Variants in CALCR observed in about 807,000 individuals in gnomAD.
CALCR encodes calcitonin receptor.
A neutral mutation model predicts 59.5 loss-of-function variants in CALCR; 47 were observed. The ratio of observed to expected loss-of-function variants is 0.79; its 90% CI spans 0.63 to 1.01. The LOEUF is 1.01. Ranked by LOEUF, CALCR falls within the 50% of genes least tolerant of loss-of-function variation. The pLI, the probability that CALCR is intolerant of heterozygous loss-of-function variation, is 0.00. For missense variants in CALCR, 566 were observed against 597.1 expected (o/e 0.95, Z 0.54); for synonymous variants, 213 against 211.3 (o/e 1.01, Z -0.07).
chr7:93,568,947 G>A (rs942673285), intron 2 of CALCR, among the ~76,000 whole-genome samples: 1 of 151,988 alleles, frequency 6.6e-6, no homozygotes, highest in South Asian at 2.1e-4. Flanking sequence ...CCGACTTGGT[G>A]AATGACATCA....
intron 2 of CALCR, among the ~76,000 whole-genome samples, chr7:93,511,013 G>A (rs1801534632): frequency 6.6e-6 from 1 of 152,010 alleles, no homozygotes; most frequent in South Asian, 2.1e-4. Context: ...CATAGAGAAG[G>A]TGACCTTGAA....
chr7:93,530,234 A>AT lies in CALCR; in HGVS notation c.-26-43228dup, dbSNP rs910083445. 2.0e-5 allele frequency among the ~76,000 whole-genome samples: 3 copies of AT among 152,228 alleles called. 1 individual carries two copies. The highest frequency in any genetic ancestry group is 4.1e-4 in the South Asian group (2 of 4,824). On this transcript the variant is annotated intron_variant, in intron 2 of 13. Coordinates refer to ENST00000426151, the MANE Select transcript of CALCR (RefSeq NM_001742.4). ...CAGAAAGTCAGTGTCAGAAGTTGTG[A>AT]TTTTTTTGATTTATAAATCACAATT... is the stretch of plus-strand genomic sequence containing the variant.
intron 2 of CALCR, among the ~76,000 whole-genome samples, chr7:93,539,525 A>G (rs1356831313): frequency 6.6e-6 from 1 of 152,118 alleles, no homozygotes. Context: ...GACTCTCCTT[A>G]TGAGTCTCTG....
At chr7:93,482,720 A>G (rs1313101677) in intron 3 of CALCR, 1 of 514,644 alleles carries the variant, frequency 1.9e-6, no homozygotes. Context: ...AAATACGACA[A>G]TCTGTATACG....
chr7:93,462,086 C>G, intron 7 of CALCR: 1 of 1,502,532 alleles, frequency 6.7e-7, no homozygotes, highest in East Asian at 2.4e-5. Flanking sequence ...ATTTCCAATT[C>G]AAAGGAAAAA....
At chr7:93,444,012 G>A (rs996367286) in intron 8 of CALCR, among the ~76,000 whole-genome samples, 3 of 152,092 alleles carry the variant, frequency 2.0e-5, no homozygotes, top group Non-Finnish European at 2.9e-5. Flanking sequence ...TGCATTCTGC[G>A]GACTTACACA....
At chr7:93,435,241 A>G (rs553231602) in intron 12 of CALCR, among the ~76,000 whole-genome samples, 32 of 152,246 alleles carry the variant, frequency 2.1e-4, no homozygotes, top group Admixed American at 1.8e-3. Context: ...GATTCCTAAC[A>G]TTCACCTGAC....
At chr7:93,559,723 A>G (rs1017126538) in intron 2 of CALCR, 2 of 151,940 alleles carry the variant, frequency 1.3e-5, no homozygotes, top group Non-Finnish European at 2.9e-5. Flanking sequence ...AGCCATTTTC[A>G]TAAATTGCGG....
intron 2 of CALCR, among the ~76,000 whole-genome samples, chr7:93,556,422 AT>A (rs955191083): frequency 3.4e-4 from 52 of 152,116 alleles, no homozygotes; most frequent in Admixed American, 5.2e-4. Flanking sequence ...TTTCCATTAT[AT>A]TTTTTTCTGA....
chr7:93,539,949 T>A (rs1584616754), intron 2 of CALCR, among the ~76,000 whole-genome samples: 1 of 152,124 alleles, frequency 6.6e-6, no homozygotes, highest in Admixed American at 6.6e-5. Context: ...CAGAGGAGCA[T>A]ACAGCAGCAG....
chr7:93,449,249 G>C (rs1800062279), intron 8 of CALCR, among the ~76,000 whole-genome samples: 2 of 151,904 alleles, frequency 1.3e-5, no homozygotes, highest in South Asian at 4.2e-4. Context: ...TAGCACAGAG[G>C]GAAGAGTGTG....
At chr7:93,504,577 A>G (rs1183191766) in intron 2 of CALCR, among the ~76,000 whole-genome samples, 1 of 152,190 alleles carries the variant, frequency 6.6e-6, no homozygotes, top group Non-Finnish European at 1.5e-5. Flanking sequence ...TATGTCTACC[A>G]TGATCCATAA....
At chr7:93,477,452 TG>T in intron 5 of CALCR, 105 bp downstream of exon 5, 1 of 656,234 alleles carries the variant, frequency 1.5e-6, no homozygotes, top group Non-Finnish European at 2.6e-6. Context: ...TGCTAAAATG[TG>T]GAGTATGATT....
chr7:93,556,142 C>T (rs1789599663), intron 2 of CALCR, among the ~76,000 whole-genome samples: 1 of 152,052 alleles, frequency 6.6e-6, no homozygotes, highest in African/African-American at 2.4e-5. Flanking sequence ...ATTTTTTTCT[C>T]CAGGGTAACT....
chr7:93,459,875 C>A (rs1188851072), intron 8 of CALCR, among the ~76,000 whole-genome samples: 1 of 152,102 alleles, frequency 6.6e-6, no homozygotes, highest in Non-Finnish European at 1.5e-5. Flanking sequence ...CTATAGTACT[C>A]AAATAGAAGG....
intron 2 of CALCR, among the ~76,000 whole-genome samples, chr7:93,525,940 T>A (rs1801868661): frequency 6.6e-6 from 1 of 152,244 alleles, no homozygotes; most frequent in Non-Finnish European, 1.5e-5. Context: ...TAACCTTTGC[T>A]ATTAACCTTT....
At chr7:93,444,060 T>A (rs13226124) in intron 8 of CALCR, among the ~76,000 whole-genome samples, 2 of 151,994 alleles carry the variant, frequency 1.3e-5, no homozygotes, top group African/African-American at 2.4e-5. Context: ...AGACTCATAA[T>A]CTTAGGCACC....
intron 2 of CALCR, among the ~76,000 whole-genome samples, chr7:93,551,171 C>T (rs1789446698): frequency 6.6e-6 from 1 of 152,098 alleles, no homozygotes; most frequent in Non-Finnish European, 1.5e-5. Context: ...GCAAGTCCAT[C>T]CTGAGATTTT....
At chr7:93,530,708 A>C (rs1788809945) in intron 2 of CALCR, among the ~76,000 whole-genome samples, 1 of 152,166 alleles carries the variant, frequency 6.6e-6, no homozygotes, top group African/African-American at 2.4e-5. Flanking sequence ...AGTAATATTA[A>C]ATGCCATTCA....
Sources: gnomAD v4.1 joint callset for allele counts (sites outside exome capture counted in the v4.1 genomes callset) on GRCh38, gnomAD v4.1.1 for gene constraint, MANE v1.5 for transcripts, NCBI Gene and HGNC (gene_info 2026-07-23, HGNC 2026-07-21) for gene names.